CADM1: variants seen among roughly 807,000 people sequenced by gnomAD.
CADM1 encodes TSLC-1.
CADM1 carries 15 observed loss-of-function variants against 53.1 expected under a neutral mutation model. The ratio of observed to expected loss-of-function variants is 0.28; its 90% CI spans 0.19 to 0.44. The LOEUF is 0.44. CADM1 is among the 20% of genes least tolerant of loss of function. The pLI is 1.00. For synonymous variants in CADM1, 281 were observed against 243.0 expected (o/e 1.16, Z -1.45); for missense variants, 434 against 611.3 (o/e 0.71, Z 3.06).
intron 1 of CADM1, among the ~76,000 whole-genome samples, chr11:115,250,720 T>C (rs1942575783): frequency 6.6e-6 from 1 of 152,232 alleles, no homozygotes; most frequent in African/African-American, 2.4e-5. Flanking sequence ...TGCTTCTTTT[T>C]TTTCCCTTTC....
At chr11:115,191,628 G>GA (rs1184956034) in intron 9 of CADM1, among the ~76,000 whole-genome samples, 9 of 152,202 alleles carry the variant, frequency 5.9e-5, no homozygotes, top group Admixed American at 1.3e-4. Context: ...GGCCAGCTGA[G>GA]ATGCTTCTCA....
In CADM1 at chr11:115,373,034, A is replaced by T. The variant is rs575742034; in HGVS notation, c.124+131237T>A. On this transcript the variant is annotated intron_variant, in intron 1 of 11. Coordinates refer to ENST00000331581, the MANE Select transcript of CADM1 (RefSeq NM_001301043.2). ...CATAAATTGCTCTGATATTTTATCA[A>T]ATGCAGAGTTGCCTTTAAGCAAATC... Among the ~76,000 whole-genome samples, 12 of 152,354 alleles carry T rather than the reference A, an allele frequency of 7.9e-5. No homozygotes were observed. The South Asian group carries it at 2.3e-3, about 29-fold the overall frequency.
At chr11:115,254,581 CACACACACACACAG>C (rs1322501197) in intron 1 of CADM1, among the ~76,000 whole-genome samples, 5 of 149,778 alleles carry the variant, frequency 3.3e-5, no homozygotes, top group South Asian at 2.2e-4. Flanking sequence ...CACACACACA[CACACACACACACAG>C]AGACAACAAA....
chr11:115,287,150 A>C (rs1475026834), intron 1 of CADM1, among the ~76,000 whole-genome samples: 1 of 152,240 alleles, frequency 6.6e-6, no homozygotes, highest in Non-Finnish European at 1.5e-5. Context: ...TCAATTAAGA[A>C]TGACATGCTA....
chr11:115,182,708 G>A (rs1939368483), intron 10 of CADM1, among the ~76,000 whole-genome samples: 2 of 152,106 alleles, frequency 1.3e-5, no homozygotes, highest in South Asian at 2.1e-4. Flanking sequence ...TGTAGTCGAG[G>A]GCTTCAGGGC....
chr11:115,402,910 G>A (rs1947199466), intron 1 of CADM1, among the ~76,000 whole-genome samples: 1 of 152,206 alleles, frequency 6.6e-6, no homozygotes, highest in Non-Finnish European at 1.5e-5. Flanking sequence ...CTAGAGAAAT[G>A]ATGGACTCTT....
chr11:115,309,555 G>T (rs1944477141), intron 1 of CADM1, among the ~76,000 whole-genome samples: 1 of 151,988 alleles, frequency 6.6e-6, no homozygotes, highest in Non-Finnish European at 1.5e-5. Flanking sequence ...TTTACTTTTT[G>T]TCAGTTAGGA....
At chr11:115,228,739 T>C (rs1289189621) in intron 5 of CADM1, among the ~76,000 whole-genome samples, 1 of 151,738 alleles carries the variant, frequency 6.6e-6, no homozygotes, top group Non-Finnish European at 1.5e-5. Flanking sequence ...CCGACGTAAA[T>C]GGGAAAAAAA....
chr11:115,352,532 G>GCTA (rs1945764242), intron 1 of CADM1, among the ~76,000 whole-genome samples: 1 of 152,178 alleles, frequency 6.6e-6, no homozygotes, highest in South Asian at 2.1e-4. Context: ...CCAGAAGCCA[G>GCTA]CTAAGAGCTC....
At chr11:115,460,055 CT>C (rs1398580359) in intron 1 of CADM1, among the ~76,000 whole-genome samples, 1 of 152,146 alleles carries the variant, frequency 6.6e-6, no homozygotes, top group Non-Finnish European at 1.5e-5. Flanking sequence ...ACCTAGCACC[CT>C]TTTTTTCTAG....
At chr11:115,192,780 T>TATCA (rs1197407823) in intron 9 of CADM1, among the ~76,000 whole-genome samples, 1 of 152,218 alleles carries the variant, frequency 6.6e-6, no homozygotes, top group Non-Finnish European at 1.5e-5. Context: ...GTTTATGAAA[T>TATCA]ATCATTGATA....
intron 1 of CADM1, among the ~76,000 whole-genome samples, chr11:115,487,222 CAT>C (rs1949394667): frequency 6.6e-6 from 1 of 152,168 alleles, no homozygotes; most frequent in Non-Finnish European, 1.5e-5. Context: ...AATGTATGAA[CAT>C]GGAGTTTCTC....
chr11:115,207,859 T>C (rs1004152124), intron 8 of CADM1, among the ~76,000 whole-genome samples: 1 of 152,176 alleles, frequency 6.6e-6, no homozygotes, highest in African/African-American at 2.4e-5. Flanking sequence ...TTACGCAGTA[T>C]ATTTTACACT....
intron 1 of CADM1, among the ~76,000 whole-genome samples, chr11:115,386,617 A>C (rs918333885): frequency 2.0e-5 from 3 of 147,218 alleles, no homozygotes; most frequent in Non-Finnish European, 4.5e-5. Context: ...TCCGCTTCTT[A>C]TAAAGCCACC....
At chr11:115,209,537 A>G in intron 8 of CADM1, 37 bp downstream of exon 8, 3 of 1,580,998 alleles carry the variant, frequency 1.9e-6, no homozygotes, top group Middle Eastern at 1.9e-4. Flanking sequence ...GACAATATAC[A>G]TTCAGGACAT....
intron 1 of CADM1, among the ~76,000 whole-genome samples, chr11:115,336,691 T>A (rs558389250): frequency 6.6e-6 from 1 of 152,296 alleles, no homozygotes; most frequent in Non-Finnish European, 1.5e-5. Flanking sequence ...TTAATCCTTT[T>A]AAAAGGATTA....
At chr11:115,490,789 T>G (rs1949478399) in intron 1 of CADM1, among the ~76,000 whole-genome samples, 1 of 152,188 alleles carries the variant, frequency 6.6e-6, no homozygotes, top group South Asian at 2.1e-4. Flanking sequence ...ATAGATATAG[T>G]TCAGATCCTG....
In CADM1 at chr11:115,190,911, T is replaced by G. The variant is rs1264547123; in HGVS notation, c.1142A>C (p.Glu381Ala). The change falls in exon 10 of 12, where the codon GAA becomes GCA. Residue 381 changes from glutamate to alanine, a missense_variant. Transcript: ENST00000331581. ...GLTQLPNSAEELDSEDLSDSR... is the reference protein window; with the variant it reads ...GLTQLPNSAEALDSEDLSDSR... ...ACCTGAGAGGTCCTCACTGTCCAGT[T>G]CTTCTGCGGAATTGGGCAACTGAGT... The G allele has an allele frequency of 3.8e-6, 6 of 1,595,308 alleles. No homozygotes were observed. Among genetic ancestry groups the G allele is most frequent in the African/African-American group, 1.3e-5 (1 of 74,872 alleles).
At chr11:115,381,277 G>A (rs1277502859) in intron 1 of CADM1, among the ~76,000 whole-genome samples, 9 of 146,212 alleles carry the variant, frequency 6.2e-5, no homozygotes, top group Non-Finnish European at 1.3e-4. Context: ...CTGGGCAACA[G>A]AGTGAGACTC....
Sources: allele counts gnomAD v4.1 joint callset (sites outside exome capture counted in the v4.1 genomes callset), GRCh38; gene constraint gnomAD v4.1.1; transcripts MANE v1.5; gene names NCBI Gene and HGNC (gene_info 2026-07-23, HGNC 2026-07-21).